Variants in PXDN observed in about 807,000 individuals in gnomAD.
PXDN encodes peroxidasin homolog.
PXDN carries 77 observed loss-of-function variants against 140.3 expected under a neutral mutation model. That is an observed-to-expected ratio of 0.55 (90% CI 0.46 to 0.66). The LOEUF (loss-of-function observed/expected upper bound fraction) is 0.66, where lower values mean the gene tolerates loss of function less well. PXDN is among the 30% of genes least tolerant of loss of function. PXDN has a pLI of 0.00. For missense variants in PXDN, 1,838 were observed against 2,039.5 expected (o/e 0.90, Z 1.90); for synonymous variants, 911 against 857.4 (o/e 1.06, Z -1.09).
At chr2:1,741,320 T>G (rs1232888536) in intron 1 of PXDN, among the ~76,000 whole-genome samples, 1 of 152,138 alleles carries the variant, frequency 6.6e-6, no homozygotes, top group African/African-American at 2.4e-5. Context: ...TGATTCTGTA[T>G]TCAAAAACCA....
At chr2:1,666,850 A>G (rs1683456656) in intron 9 of PXDN, among the ~76,000 whole-genome samples, 1 of 152,232 alleles carries the variant, frequency 6.6e-6, no homozygotes, top group South Asian at 2.1e-4. Flanking sequence ...GGCACAAATT[A>G]TTGTTAGGGA....
At chr2:1,743,821 G>C (rs1368810002) in intron 1 of PXDN, among the ~76,000 whole-genome samples, 1 of 147,030 alleles carries the variant, frequency 6.8e-6, no homozygotes, top group African/African-American at 2.5e-5. Flanking sequence ...GGGGAGCGGA[G>C]GGGGACCGAG....
Position 1,643,554 on chromosome 2 carries a change from C to A in PXDN, c.3766G>T (p.Val1256Leu), listed in dbSNP as rs772632642. 1.2e-6 allele frequency: 2 copies of A among 1,613,746 alleles called. No individual in the cohort carries two copies. Among genetic ancestry groups the A allele is most frequent in the Non-Finnish European group, 1.7e-6 (2 of 1,179,900 alleles). ...TGAGTCAGCTGGGCCGGGGAGAACA[C>A]CCCAGGGTTCTCATACCACAACCTG... Reference protein sequence around the residue: ...GDRLWYENPGVFSPAQLTQIK... With the variant: ...GDRLWYENPGLFSPAQLTQIK... The change falls in exon 19 of 23, where the codon GTG becomes TTG. Residue 1256 changes from valine to leucine, a missense_variant. Physicochemically the swap from Val to Leu is conservative, Grantham distance 32. Transcript: ENST00000252804.
rs1377650175 is a variant in PXDN, at chr2:1,660,815, C to G, written c.1837+66G>C. On this transcript the variant is annotated intron_variant, in intron 14 of 22. Coordinates refer to ENST00000252804, the MANE Select transcript of PXDN (RefSeq NM_012293.3). The surrounding 1 kb of genome is among the most constrained non-coding windows in gnomAD (Gnocchi z 4.6). ...GCCTAAGTCAACTGGCCTGGGACCA[C>G]ACTAGGGACCTGCGGGCTTTCTTTG... 6.4e-7 allele frequency: 1 copy of G among 1,551,260 alleles called. No individual in the cohort carries two copies. Among genetic ancestry groups the G allele is most frequent in the African/African-American group, 1.4e-5 (1 of 73,384 alleles).
chr2:1,706,400 G>A (rs1684608187), intron 1 of PXDN, among the ~76,000 whole-genome samples: 1 of 151,142 alleles, frequency 6.6e-6, no homozygotes, highest in African/African-American at 2.4e-5. Context: ...ACATCCTGCT[G>A]GCATTGCCAG....
At chr2:1,727,841 A>C (rs1023870542) in intron 1 of PXDN, among the ~76,000 whole-genome samples, 3 of 152,240 alleles carry the variant, frequency 2.0e-5, no homozygotes, top group African/African-American at 7.2e-5. Context: ...CTAGTCTGAA[A>C]GGCAAGATAT....
In PXDN at chr2:1,635,471, C is replaced by T; in HGVS notation, c.4257G>A (p.Gly1419=). The change falls in exon 22 of 23, where the codon GGG becomes GGA. Residue 1419 remains glycine, a synonymous_variant. Transcript: ENST00000252804. ...TGGTGTTGTTGGCGTGAGATTCGCC[C>T]CCGGCATCCACGCACTCTGTGGTAC... ...RLSTTECVDA[G]GESHANNTKW... 6.2e-7 allele frequency: 1 copy of T among 1,602,360 alleles called. No homozygotes were observed. The highest frequency in any genetic ancestry group is 2.2e-5 in the East Asian group (1 of 44,584).
At position 1,687,472 on chromosome 2, in the gene PXDN, C is replaced by T. The variant is rs1034422582; in HGVS notation, c.416+160G>A. ...AAGGCGGGGCGGAGGGCAAATGACT[C>T]GCCCATCCCTGTTTTTCCGTCATCA... is the stretch of plus-strand genomic sequence containing the variant. On this transcript the variant is annotated intron_variant, in intron 4 of 22. Transcript: ENST00000252804. The surrounding 1 kb of genome is among the most constrained non-coding windows in gnomAD (Gnocchi z 4.0). Among the ~76,000 whole-genome samples, 7 of 152,190 alleles carry T rather than the reference C, an allele frequency of 4.6e-5. No individual in the cohort carries two copies. The highest frequency in any genetic ancestry group is 1.7e-4 in the African/African-American group (7 of 41,446).
rs115910112 is a variant in PXDN, at chr2:1,657,259, G to A, written c.1838-2751C>T. ...GACTGGAACCTGTCACCTTCAGACT[G>A]GGAACAGCCCCCTCCTGACTGAAAC... is the stretch of plus-strand genomic sequence containing the variant. On this transcript the variant is annotated intron_variant, in intron 14 of 22. Transcript: ENST00000252804. Among the ~76,000 whole-genome samples, 446 of 149,762 alleles carry A rather than the reference G, an allele frequency of 3.0e-3. 2 individuals carry two copies. The highest frequency in any genetic ancestry group is 0.011 in the African/African-American group (431 of 40,540).
chr2:1,716,256 G>A (rs1472346770), intron 1 of PXDN, among the ~76,000 whole-genome samples: 1 of 151,990 alleles, frequency 6.6e-6, no homozygotes, highest in Non-Finnish European at 1.5e-5. Context: ...TGACCAATAT[G>A]GTGAAACCCC....
rs536819321 is a variant in PXDN at position 1,651,922 on chromosome 2, G to A, written c.2104+1706C>T. On this transcript the variant is annotated intron_variant, in intron 16 of 22. Coordinates refer to ENST00000252804, the MANE Select transcript of PXDN (RefSeq NM_012293.3). The surrounding 1 kb of genome is among the most constrained non-coding windows in gnomAD (Gnocchi z 4.4). ...TTTGTGACTGTAGGCCCTGGCCCAG[G>A]ACAATGACTGGCATAGAGGGTGTGC... Among the ~76,000 whole-genome samples, 1 of 152,342 alleles carries A rather than the reference G, an allele frequency of 6.6e-6. No individual in the cohort carries two copies. Among genetic ancestry groups the A allele is most frequent in the Non-Finnish European group, 1.5e-5 (1 of 68,044 alleles).
At chr2:1,635,768 C>T (rs192562073) in intron 21 of PXDN, 34 of 486,682 alleles carry the variant, frequency 7.0e-5, no homozygotes, top group East Asian at 1.2e-4. Context: ...ACAAAGGCGA[C>T]GTTCTCAGAG....
chr2:1,719,335 G>T (rs1684964608), intron 1 of PXDN, among the ~76,000 whole-genome samples: 1 of 152,220 alleles, frequency 6.6e-6, no homozygotes, highest in South Asian at 2.1e-4. Context: ...ACCCAGCCAG[G>T]CTCTGTCCCA....
chr2:1,670,819 G>A (rs945649647), intron 9 of PXDN, among the ~76,000 whole-genome samples: 3 of 152,128 alleles, frequency 2.0e-5, no homozygotes, highest in East Asian at 1.9e-4. Context: ...CTGTGCCCTC[G>A]GCATGAGAAA....
chr2:1,634,890 C>G (rs895717408), intron 22 of PXDN, among the ~76,000 whole-genome samples: 2 of 152,090 alleles, frequency 1.3e-5, no homozygotes, highest in African/African-American at 4.8e-5. Flanking sequence ...GAGCCTGGTT[C>G]CAGCCAGACG....
intron 1 of PXDN, among the ~76,000 whole-genome samples, chr2:1,728,832 G>T (rs1392277374): frequency 6.6e-6 from 1 of 152,182 alleles, no homozygotes; most frequent in Non-Finnish European, 1.5e-5. Flanking sequence ...GAATGCACGC[G>T]AAACAGGAGG....
rs1558505762 is a variant in PXDN, at chr2:1,680,267, G to GC, written c.655dup (p.Ala219GlyfsTer5). ...GCGTCTGGGATATTCACAGATGGCC[G>GC]CTGCCTGCGCGTTCCCCGACTCCGC... On this transcript the variant is annotated frameshift_variant, in exon 7 of 23. Transcript: ENST00000252804. LOFTEE classifies it high-confidence loss of function. 6.2e-7 allele frequency: 1 copy of GC among 1,613,666 alleles called. No individual in the cohort carries two copies.
At chr2:1,742,837 C>A (rs532932313) in intron 1 of PXDN, among the ~76,000 whole-genome samples, 1 of 152,332 alleles carries the variant, frequency 6.6e-6, no homozygotes, top group South Asian at 2.1e-4. Context: ...CCCAGGGCCT[C>A]CAGGAAGCAG....
chr2:1,658,396 A>G (rs918573279), intron 14 of PXDN, among the ~76,000 whole-genome samples: 20 of 151,940 alleles, frequency 1.3e-4, no homozygotes, highest in South Asian at 6.2e-4. Flanking sequence ...CTGGGTCTCA[A>G]TGGGTGACAC....
Sources: gnomAD v4.1 joint callset for allele counts (sites outside exome capture counted in the v4.1 genomes callset) on GRCh38, gnomAD v4.1.1 for gene constraint, Gnocchi (gnomAD v3.1) non-coding constraint, MANE v1.5 for transcripts, NCBI Gene and HGNC (gene_info 2026-07-23, HGNC 2026-07-21) for gene names.